Variants in QTMAN observed in about 807,000 individuals in gnomAD.
The protein encoded by QTMAN is tRNA-queuosine alpha-mannosyltransferase.
chr2:144,042,481 C>G, the QTMAN span, among the ~76,000 whole-genome samples: 831 of 152,144 alleles, frequency 5.5e-3, 3 homozygotes, highest in Non-Finnish European at 9.1e-3. Context: ...GAAGGCCGGG[C>G]GTGGTGGTTC....
chr2:144,129,906 G>A, the QTMAN span, among the ~76,000 whole-genome samples: 19 of 151,792 alleles, frequency 1.3e-4, no homozygotes, highest in African/African-American at 3.9e-4. Context: ...AAATAAATTC[G>A]TAGACAACAT....
At chr2:143,957,817 G>A in the QTMAN span, among the ~76,000 whole-genome samples, 5 of 152,062 alleles carry the variant, frequency 3.3e-5, no homozygotes, top group Admixed American at 3.3e-4. Context: ...AATGATCCAT[G>A]AATGATGCTC....
chr2:144,328,097 C>T, the QTMAN span, among the ~76,000 whole-genome samples: 3 of 152,034 alleles, frequency 2.0e-5, no homozygotes, highest in African/African-American at 7.2e-5. Context: ...AATGCAGGCA[C>T]GTGCCACCAT....
At chr2:144,163,821 T>C in the QTMAN span, among the ~76,000 whole-genome samples, 1 of 152,196 alleles carries the variant, frequency 6.6e-6, no homozygotes, top group Non-Finnish European at 1.5e-5. Flanking sequence ...GCCACCTGGG[T>C]GTACCATGGA....
chr2:143,996,798 T>C, the QTMAN span, among the ~76,000 whole-genome samples: 1 of 152,066 alleles, frequency 6.6e-6, no homozygotes, highest in Non-Finnish European at 1.5e-5. Flanking sequence ...GGTGAAAACA[T>C]ATACACCGAA....
the QTMAN span, among the ~76,000 whole-genome samples, chr2:143,971,384 A>G: frequency 6.6e-6 from 1 of 152,162 alleles, no homozygotes; most frequent in Non-Finnish European, 1.5e-5. Context: ...GTATTAACTT[A>G]GGAGTGGAGT....
At chr2:144,069,202 C>T in the QTMAN span, among the ~76,000 whole-genome samples, 1 of 151,094 alleles carries the variant, frequency 6.6e-6, no homozygotes, top group Non-Finnish European at 1.5e-5. Context: ...TGAAGAAAAA[C>T]TGGCTGCGGG....
At chr2:144,120,479 G>A in the QTMAN span, among the ~76,000 whole-genome samples, 1 of 152,152 alleles carries the variant, frequency 6.6e-6, no homozygotes, top group Admixed American at 6.6e-5. Flanking sequence ...AAGATAACCA[G>A]AAGGAAATAA....
At chr2:144,236,532 C>T in the QTMAN span, among the ~76,000 whole-genome samples, 1 of 151,184 alleles carries the variant, frequency 6.6e-6, no homozygotes, top group African/African-American at 2.4e-5. Context: ...CCATTTATGA[C>T]AAGGAAACTT....
chr2:144,099,912 G>C, the QTMAN span, among the ~76,000 whole-genome samples: 1 of 152,302 alleles, frequency 6.6e-6, no homozygotes, highest in East Asian at 1.9e-4. Context: ...CTAGAACATG[G>C]TATACAAGTG....
At chr2:144,077,285 T>C in the QTMAN span, among the ~76,000 whole-genome samples, 94 of 152,334 alleles carry the variant, frequency 6.2e-4, no homozygotes, top group African/African-American at 2.1e-3. Flanking sequence ...ATTCTGCACA[T>C]TGCAAAGCAA....
chr2:144,144,922 AT>A, the QTMAN span, among the ~76,000 whole-genome samples: 1 of 151,884 alleles, frequency 6.6e-6, no homozygotes, highest in Non-Finnish European at 1.5e-5. Flanking sequence ...CCATTTCAGA[AT>A]TGTTATTAAC....
At chr2:144,224,725 G>A in the QTMAN span, among the ~76,000 whole-genome samples, 17 of 152,286 alleles carry the variant, frequency 1.1e-4, no homozygotes, top group Admixed American at 2.6e-4. Context: ...TAAGACACAT[G>A]CTTGGTATGT....
the QTMAN span, among the ~76,000 whole-genome samples, chr2:144,230,905 C>T: frequency 6.6e-6 from 1 of 152,102 alleles, no homozygotes; most frequent in African/African-American, 2.4e-5. Flanking sequence ...TGTCACTTTA[C>T]CTTGCAATCT....
At chr2:144,049,842 T>C in the QTMAN span, among the ~76,000 whole-genome samples, 1 of 152,174 alleles carries the variant, frequency 6.6e-6, no homozygotes, top group Non-Finnish European at 1.5e-5. Context: ...CTAAATACTA[T>C]ATTAGTTTTA....
the QTMAN span, among the ~76,000 whole-genome samples, chr2:144,170,263 G>A: frequency 6.6e-6 from 1 of 152,172 alleles, no homozygotes; most frequent in South Asian, 2.1e-4. Context: ...TGAAGAGTCT[G>A]AGATTCTGCC....
the QTMAN span, chr2:144,230,270 A>C: frequency 6.6e-6 from 1 of 152,184 alleles, no homozygotes; most frequent in Non-Finnish European, 1.5e-5. Context: ...AACAATCTGG[A>C]CGATCCCCAC....
the QTMAN span, among the ~76,000 whole-genome samples, chr2:144,049,895 G>A: frequency 6.6e-6 from 1 of 152,050 alleles, no homozygotes; most frequent in African/African-American, 2.4e-5. Context: ...ATATAATTAA[G>A]CCACCTATTT....
the QTMAN span, among the ~76,000 whole-genome samples, chr2:144,135,317 C>CTGGG: frequency 1.3e-4 from 20 of 152,234 alleles, no homozygotes; most frequent in East Asian, 3.3e-3. Context: ...ATGTGATGGG[C>CTGGG]TGGGCACTGC....
Sources: allele counts gnomAD v4.1 joint callset (sites outside exome capture counted in the v4.1 genomes callset), GRCh38; gene constraint gnomAD v4.1.1; transcripts MANE v1.5; gene names NCBI Gene and HGNC (gene_info 2026-07-23, HGNC 2026-07-21).